The following DAB1 variants were observed in gnomAD, a reference collection of about 807,000 sequenced individuals.
DAB1 encodes the protein DAB adaptor protein 1.
In DAB1, 15 loss-of-function variants were observed where a neutral mutation model predicts 64.6. That is an observed-to-expected ratio of 0.23 (90% CI 0.16 to 0.36). The LOEUF is 0.36. Among genes scored for constraint, DAB1 ranks in the 10% least tolerant of loss-of-function variants. The pLI is 1.00. For synonymous variants in DAB1, 235 were observed against 251.9 expected (o/e 0.93, Z 0.64); for missense variants, 596 against 706.7 (o/e 0.84, Z 1.78).
chr1:57,625,372 C>T (rs910713662), intron 7 of DAB1, among the ~76,000 whole-genome samples: 3 of 152,030 alleles, frequency 2.0e-5, no homozygotes, highest in African/African-American at 7.2e-5. Flanking sequence ...TCTCACTCAC[C>T]GCGTCTATAG....
intron 1 of DAB1, among the ~76,000 whole-genome samples, chr1:57,378,730 C>G (rs971633148): frequency 1.3e-5 from 2 of 152,104 alleles, no homozygotes; most frequent in African/African-American, 4.8e-5. Context: ...TTTAGCAATG[C>G]ATTAGGGAGA....
chr1:57,900,189 C>T (rs1223369968), intron 5 of DAB1, among the ~76,000 whole-genome samples: 1 of 152,174 alleles, frequency 6.6e-6, no homozygotes, highest in Non-Finnish European at 1.5e-5. Context: ...ACTGCAAGTG[C>T]TATTGGTTAC....
chr1:57,879,158 G>A (rs1408842441), intron 1 of DAB1, among the ~76,000 whole-genome samples: 2 of 152,082 alleles, frequency 1.3e-5, no homozygotes, highest in African/African-American at 4.8e-5. Context: ...CTTCATCTAT[G>A]TCATTTTTGT....
At chr1:57,479,841 AC>A (rs1643989723) in intron 7 of DAB1, among the ~76,000 whole-genome samples, 9 of 152,160 alleles carry the variant, frequency 5.9e-5, no homozygotes, top group Admixed American at 5.9e-4. Flanking sequence ...GGCTCTCAAG[AC>A]ATGCATTGCA....
chr1:58,299,665 C>T (rs190773303), intron 4 of DAB1, among the ~76,000 whole-genome samples: 4 of 152,262 alleles, frequency 2.6e-5, no homozygotes, highest in Non-Finnish European at 5.9e-5. Flanking sequence ...CACACCCATG[C>T]ACCTTAAAGA....
intron 3 of DAB1, among the ~76,000 whole-genome samples, chr1:58,361,821 G>T (rs1037269487): frequency 6.8e-6 from 1 of 146,350 alleles, no homozygotes; most frequent in Non-Finnish European, 1.5e-5. Context: ...CATTCTCATG[G>T]TCCCTTCATT....
intron 6 of DAB1, among the ~76,000 whole-genome samples, chr1:57,660,138 G>T (rs1646369019): frequency 6.6e-6 from 1 of 152,064 alleles, no homozygotes; most frequent in South Asian, 2.1e-4. Context: ...AACTTGGAAA[G>T]ATATTAGATA....
chr1:57,995,917 C>A (rs1464810373), intron 5 of DAB1, among the ~76,000 whole-genome samples: 1 of 151,956 alleles, frequency 6.6e-6, no homozygotes, highest in Non-Finnish European at 1.5e-5. Context: ...AGTTGTGTGA[C>A]CTTGGCAAAG....
intron 3 of DAB1, among the ~76,000 whole-genome samples, chr1:58,500,663 T>C (rs1437368310): frequency 6.6e-6 from 1 of 152,170 alleles, no homozygotes; most frequent in Non-Finnish European, 1.5e-5. Flanking sequence ...TATATCCTAT[T>C]CAAATTATGA....
At chr1:57,867,219 A>G (rs921308551) in intron 1 of DAB1, 1 of 152,046 alleles carries the variant, frequency 6.6e-6, no homozygotes, top group African/African-American at 2.4e-5. Context: ...AATGGACTTC[A>G]CCCCGGAAAA....
At chr1:57,871,251 ATATAACTATCTAAGAGG>A (rs1160663329) in intron 1 of DAB1, among the ~76,000 whole-genome samples, 2 of 148,744 alleles carry the variant, frequency 1.3e-5, no homozygotes, top group South Asian at 2.1e-4. Flanking sequence ...ACAGAAATAG[ATATAACTATCTAAGAGG>A]TATAACTATC....
chr1:58,238,149 C>G (rs1326330390), intron 4 of DAB1, among the ~76,000 whole-genome samples: 1 of 152,168 alleles, frequency 6.6e-6, no homozygotes, highest in African/African-American at 2.4e-5. Context: ...ATAAACCATG[C>G]TCTCAGGAAG....
chr1:58,285,954 G>A (rs772733294), intron 4 of DAB1, among the ~76,000 whole-genome samples: 113 of 152,246 alleles, frequency 7.4e-4, no homozygotes, highest in Non-Finnish European at 2.1e-4. Flanking sequence ...CATGGTACTG[G>A]TATAAAAACA....
At chr1:58,361,498 G>A (rs1270339825) in intron 3 of DAB1, among the ~76,000 whole-genome samples, 1 of 152,140 alleles carries the variant, frequency 6.6e-6, no homozygotes, top group Non-Finnish European at 1.5e-5. Flanking sequence ...ACCTATCACA[G>A]TGCCTGGTAA....
chr1:57,372,241 G>A (rs907655698), intron 1 of DAB1, among the ~76,000 whole-genome samples: 2 of 152,144 alleles, frequency 1.3e-5, no homozygotes, highest in African/African-American at 2.4e-5. Context: ...CCATAAACTG[G>A]TGTGTTTAAT....
intron 5 of DAB1, among the ~76,000 whole-genome samples, chr1:57,914,384 T>G (rs1557552841): frequency 2.2e-5 from 3 of 135,522 alleles, no homozygotes; most frequent in Non-Finnish European, 1.5e-5. Flanking sequence ...AGGTGAACAT[T>G]TGGACACAGG....
intron 4 of DAB1, among the ~76,000 whole-genome samples, chr1:57,086,039 G>A (rs758089235): frequency 6.6e-6 from 1 of 152,106 alleles, no homozygotes; most frequent in Non-Finnish European, 1.5e-5. Context: ...GGGATTATTA[G>A]GCAATAAAAT....
intron 7 of DAB1, among the ~76,000 whole-genome samples, chr1:57,634,269 C>T (rs573162386): frequency 9.2e-5 from 14 of 152,294 alleles, no homozygotes; most frequent in Middle Eastern, 6.8e-3. Flanking sequence ...GCTGAAAGAA[C>T]GTGAGCTATA....
intron 1 of DAB1, among the ~76,000 whole-genome samples, chr1:57,406,982 A>G (rs1202089789): frequency 6.6e-6 from 1 of 152,254 alleles, no homozygotes; most frequent in Non-Finnish European, 1.5e-5. Flanking sequence ...CATATCTCAT[A>G]TCTACTTCCT....
Sources: allele counts gnomAD v4.1 joint callset (sites outside exome capture counted in the v4.1 genomes callset), GRCh38; gene constraint gnomAD v4.1.1; transcripts MANE v1.5; gene names NCBI Gene and HGNC (gene_info 2026-07-23, HGNC 2026-07-21).